ROCK2: variants seen among roughly 807,000 people sequenced by gnomAD.
ROCK2 encodes Rho associated coiled-coil containing protein kinase 2.
Under a neutral mutation model 195.1 loss-of-function variants are expected in ROCK2, and 61 were observed. The ratio of observed to expected loss-of-function variants is 0.31; its 90% CI spans 0.25 to 0.39. The LOEUF is 0.39. Among genes scored for constraint, ROCK2 ranks in the 10% least tolerant of loss-of-function variants. ROCK2 has a pLI of 1.00. For synonymous variants in ROCK2, 504 were observed against 545.5 expected (o/e 0.92, Z 1.06); for missense variants, 1,109 against 1,637.4 (o/e 0.68, Z 5.57).
chr2:11,239,237 T>G (rs1665338498), intron 4 of ROCK2, among the ~76,000 whole-genome samples: 2 of 152,018 alleles, frequency 1.3e-5, no homozygotes, highest in Admixed American at 1.3e-4. Context: ...AAATAAAAAT[T>G]TTCTGGCTTG....
Position 11,214,890 on chromosome 2 carries a change from G to C in ROCK2, c.1886C>G (p.Ser629Cys), listed in dbSNP as rs778490468. Reference protein sequence around the residue: ...EFINLQSALESERRDRTHGSE... With the variant: ...EFINLQSALECERRDRTHGSE... ...TCCATGGGTTCGATCCCTCCTTTCAGATTCTAGAGCTGACTGAAGATTGAT... is the reference window on the plus strand; with the variant it reads ...TCCATGGGTTCGATCCCTCCTTTCACATTCTAGAGCTGACTGAAGATTGAT... The change falls in exon 16 of 33, where the codon TCT (serine) becomes TGT (cysteine). Residue 629 changes from serine (S) to cysteine (C), a missense_variant. Ser to Cys is a moderately radical substitution (Grantham distance 112, BLOSUM62 -1). Coordinates refer to ENST00000315872, the MANE Select transcript of ROCK2 (RefSeq NM_004850.5). 2 of 1,613,570 alleles carry C rather than the reference G, an allele frequency of 1.2e-6. No individual in the cohort carries two copies. Among genetic ancestry groups the C allele is most frequent in the East Asian group, 2.2e-5 (1 of 44,878 alleles).
In ROCK2 at chr2:11,213,648, T is replaced by C. The variant is rs899014406; in HGVS notation, c.2043+709A>G. ...TCCAGAAAACAAACAATGCCTTTTT[T>C]ATTTTCCATCTTCTATGTCTTTGCT... is the stretch of plus-strand genomic sequence containing the variant. On this transcript the variant is annotated intron_variant, in intron 17 of 32. Coordinates refer to ENST00000315872, the MANE Select transcript of ROCK2 (RefSeq NM_004850.5). 2.0e-5 allele frequency among the ~76,000 whole-genome samples: 3 copies of C among 147,202 alleles called. No homozygotes were observed. The East Asian group carries it at 5.9e-4, about 29-fold the overall frequency.
intron 13 of ROCK2, 77 bp from the exon 14 acceptor site, chr2:11,215,722 A>T (rs982494515): frequency 8.3e-7 from 1 of 1,211,648 alleles, no homozygotes; most frequent in Non-Finnish European, 1.1e-6. Context: ...TTGCTATTCC[A>T]AACAGATAAA....
chr2:11,297,423 T>A (rs1324809481), intron 1 of ROCK2, among the ~76,000 whole-genome samples: 1 of 152,162 alleles, frequency 6.6e-6, no homozygotes, highest in Non-Finnish European at 1.5e-5. Flanking sequence ...GAAGACAGTC[T>A]TAATACATTT....
chr2:11,344,311 G>C lies in ROCK2; in HGVS notation c.-175C>G, dbSNP rs1290941813. 1 of 1,219,984 alleles carries C rather than the reference G, an allele frequency of 8.2e-7. No homozygotes were observed. Among genetic ancestry groups the C allele is most frequent in the Non-Finnish European group, 1.0e-6 (1 of 982,040 alleles). The allele number at this position is 1,219,984 out of a possible 1,614,324, so 75.6% of individuals were successfully genotyped here. A position where few individuals can be genotyped will look rare whatever the true frequency, so the allele number is the denominator to read the frequency against. On this transcript the variant is annotated 5_prime_UTR_variant, in exon 1 of 33. Coordinates refer to ENST00000315872, the MANE Select transcript of ROCK2 (RefSeq NM_004850.5). The surrounding 1 kb of genome is among the most constrained non-coding windows in gnomAD (Gnocchi z 5.4). ...TCCCCCGCCTGGGGGCTGCTCCCAGGGGCCCGCCCGGCCCAGCCCGGCCCA... is the reference window on the plus strand; with the variant it reads ...TCCCCCGCCTGGGGGCTGCTCCCAGCGGCCCGCCCGGCCCAGCCCGGCCCA...
At chr2:11,294,370 TTA>T (rs1667450098) in intron 1 of ROCK2, among the ~76,000 whole-genome samples, 1 of 152,204 alleles carries the variant, frequency 6.6e-6, no homozygotes, top group Non-Finnish European at 1.5e-5. Context: ...GCCAAACACT[TTA>T]TATAACATCT....
intron 6 of ROCK2, among the ~76,000 whole-genome samples, 167 bp from the exon 7 acceptor site, chr2:11,224,627 A>G (rs1572267323): frequency 6.6e-6 from 1 of 152,338 alleles, no homozygotes; most frequent in East Asian, 1.9e-4. Context: ...GTTATATTCT[A>G]AATCAAAGAA....
At chr2:11,255,666 T>C (rs953847296) in intron 3 of ROCK2, among the ~76,000 whole-genome samples, 7 of 150,992 alleles carry the variant, frequency 4.6e-5, no homozygotes, top group Admixed American at 3.3e-4. Flanking sequence ...ACACCTGTGA[T>C]CCCAGCACTT....
At position 11,197,253 on chromosome 2, in the gene ROCK2, G is replaced by A. The variant is rs774431509; in HGVS notation, c.3375C>T (p.Ala1125=). Residue 1125 remains alanine, a synonymous_variant, in exon 27 of 33, where the codon GCC becomes GCT. Coordinates refer to ENST00000315872, the MANE Select transcript of ROCK2 (RefSeq NM_004850.5). This position sits in a 1 kb window ranked among gnomAD's most constrained non-coding sequence, Gnocchi z 4.9. ...DIEQLRSQLQ[A]LHIGLDSSSI... is the part of the protein sequence containing the mutation. ...TGGAACTATCCAGACCAATATGCAAGGCTTGGAGTTGTGACCGCAGCTGCT... is the reference window on the plus strand; with the variant it reads ...TGGAACTATCCAGACCAATATGCAAAGCTTGGAGTTGTGACCGCAGCTGCT... 6.2e-7 allele frequency: 1 copy of A among 1,614,050 alleles called. No homozygotes were observed. Among genetic ancestry groups the A allele is most frequent in the South Asian group, 1.1e-5 (1 of 91,080 alleles).
intron 3 of ROCK2, among the ~76,000 whole-genome samples, chr2:11,255,928 CAAAAAAAA>C (rs57678031): frequency 9.1e-5 from 3 of 33,064 alleles, no homozygotes; most frequent in East Asian, 9.4e-4. Context: ...GACTCCATCT[CAAAAAAAA>C]AAAAAAAAAA....
At chr2:11,218,324 GA>G (rs1458901466) in intron 11 of ROCK2, 130 bp downstream of exon 11, 1 of 517,064 alleles carries the variant, frequency 1.9e-6, no homozygotes, top group Non-Finnish European at 3.4e-6. Context: ...CTTGGTAGAA[GA>G]AAGGTTGGGA....
At chr2:11,285,941 T>A (rs1667173227) in intron 3 of ROCK2, among the ~76,000 whole-genome samples, 4 of 152,008 alleles carry the variant, frequency 2.6e-5, no homozygotes, top group Admixed American at 2.6e-4. Context: ...ATCACTACTT[T>A]TCTTAGTGCT....
intron 1 of ROCK2, among the ~76,000 whole-genome samples, chr2:11,342,582 A>G (rs188963226): frequency 2.6e-5 from 4 of 152,302 alleles, no homozygotes; most frequent in Non-Finnish European, 5.9e-5. Flanking sequence ...TTCTGGCCTT[A>G]GGTCAAAGTT....
chr2:11,268,488 T>TTGTGTG (rs60063109), intron 3 of ROCK2, among the ~76,000 whole-genome samples: 105,114 of 149,614 alleles, frequency 0.7, 39,002 homozygotes, highest in East Asian at 0.93. Flanking sequence ...GTTTTTTTCC[T>TTGTGTG]TGTGTGTGTG....
At chr2:11,292,537 T>C (rs1329980456) in intron 1 of ROCK2, among the ~76,000 whole-genome samples, 1 of 151,854 alleles carries the variant, frequency 6.6e-6, no homozygotes, top group Non-Finnish European at 1.5e-5. Context: ...GTTAATAAAA[T>C]AATAAACTTA....
At chr2:11,202,588 C>T (rs1320728712) in intron 20 of ROCK2, among the ~76,000 whole-genome samples, 2 of 152,038 alleles carry the variant, frequency 1.3e-5, no homozygotes, top group Non-Finnish European at 2.9e-5. Flanking sequence ...AGTTCCGCCT[C>T]CCGGGTTCAC....
intron 1 of ROCK2, among the ~76,000 whole-genome samples, chr2:11,317,576 T>TTATATATCTATATATATATATA (rs1668237737): frequency 4.4e-4 from 13 of 29,584 alleles, no homozygotes; most frequent in African/African-American, 1.6e-3. Flanking sequence ...ATCTACACAT[T>TTATATATCTATATATATATATA]TATATATATA....
intron 4 of ROCK2, among the ~76,000 whole-genome samples, chr2:11,247,116 ATGT>A (rs936942817): frequency 1.3e-5 from 2 of 152,172 alleles, no homozygotes; most frequent in Non-Finnish European, 2.9e-5. Flanking sequence ...ACATACATAC[ATGT>A]TGTGTGATTG....
chr2:11,260,448 C>CCA (rs71393863), intron 3 of ROCK2, among the ~76,000 whole-genome samples: 1 of 91,526 alleles, frequency 1.1e-5, no homozygotes, highest in Admixed American at 1.3e-4. Flanking sequence ...ACTCTGTCTC[C>CCA]AAAAAAAAAA....
Sources: gnomAD v4.1 joint callset for allele counts (sites outside exome capture counted in the v4.1 genomes callset) on GRCh38, gnomAD v4.1.1 for gene constraint, Gnocchi (gnomAD v3.1) non-coding constraint, MANE v1.5 for transcripts, NCBI Gene and HGNC (gene_info 2026-07-23, HGNC 2026-07-21) for gene names.